UNC80: variants seen among roughly 807,000 people sequenced by gnomAD.
UNC80 encodes unc-80 subunit of NALCN channel complex.
A neutral mutation model predicts 384.6 loss-of-function variants in UNC80; 164 were observed. The observed-to-expected ratio is 0.43, with a 90% CI of 0.38 to 0.49. The LOEUF (loss-of-function observed/expected upper bound fraction) is 0.49. Ranked by LOEUF, UNC80 falls within the 20% of genes least tolerant of loss-of-function variation. The pLI, the probability that UNC80 is intolerant of heterozygous loss-of-function variation, is 0.00. For synonymous variants in UNC80, 1,486 were observed against 1,527.8 expected (o/e 0.97, Z 0.64); for missense variants, 3,330 against 4,143.0 (o/e 0.80, Z 5.39).
intron 36 of UNC80, among the ~76,000 whole-genome samples, chr2:209,928,133 C>T (rs1441198202): frequency 2.0e-5 from 3 of 151,996 alleles, no homozygotes; most frequent in Admixed American, 6.6e-5. Flanking sequence ...ATCAGGAGTT[C>T]GAGACCAGCC....
At chr2:209,900,392 C>CA (rs1186362350) in intron 28 of UNC80, among the ~76,000 whole-genome samples, 1 of 152,084 alleles carries the variant, frequency 6.6e-6, no homozygotes, top group East Asian at 1.9e-4. Context: ...GATCTGTGAT[C>CA]AGTGATCCTT....
chr2:209,911,350 A>G (rs1188054829), intron 29 of UNC80, among the ~76,000 whole-genome samples: 2 of 152,202 alleles, frequency 1.3e-5, no homozygotes, highest in Non-Finnish European at 2.9e-5. Context: ...CACAGGGGAA[A>G]AAAGCAAAGC....
Position 209,977,048 on chromosome 2 carries a change from A to G in UNC80, c.8908A>G (p.Ile2970Val). The G allele has an allele frequency of 6.6e-7, 1 of 1,521,542 alleles. No homozygotes were observed. Among genetic ancestry groups the G allele is most frequent in the Non-Finnish European group, 8.9e-7 (1 of 1,122,102 alleles). The allele number at this position is 1,521,542 out of a possible 1,614,324, so 94.3% of individuals were successfully genotyped here. A position where few individuals can be genotyped will look rare whatever the true frequency, so the allele number is the denominator to read the frequency against. The part of the protein sequence containing the change: ...LIAEFNSELK[I>V]LKEAVHSGSA... ...TGCTGAGTTCAACAGTGAACTAAAA[A>G]TTCTAAAAGAGGCAGTTCATAGTGG... Residue 2970 changes from isoleucine to valine, a missense_variant, in exon 58 of 65, where the codon ATT becomes GTT. Ile to Val is a conservative substitution (Grantham distance 29, BLOSUM62 3). Around this residue, in one of 8 missense-constraint regions of UNC80, gnomAD observed 216 missense variants for 245.3 expected, o/e 0.88. Transcript: ENST00000673920.
Position 209,888,716 on chromosome 2 carries a change from A to G in UNC80, c.4276+456A>G, listed in dbSNP as rs1376185558. Among the ~76,000 whole-genome samples the G allele has an allele frequency of 3.3e-5, 5 of 152,110 alleles. No homozygotes were observed. The East Asian group carries it at 9.7e-4, about 29-fold the overall frequency. ...CTGCAACTTCCGCCTCCCAGGTTCCAGTGATTCTCCTGCCTCAGCCTCCCT... is the reference window on the plus strand; with the variant it reads ...CTGCAACTTCCGCCTCCCAGGTTCCGGTGATTCTCCTGCCTCAGCCTCCCT... On this transcript the variant is annotated intron_variant, in intron 26 of 64. Coordinates refer to ENST00000673920, the MANE Select transcript of UNC80 (RefSeq NM_001371986.1).
chr2:209,789,593 A>C lies in UNC80; in HGVS notation c.786A>C (p.Ala262=). 1.2e-6 allele frequency: 2 copies of C among 1,612,216 alleles called. No individual in the cohort carries two copies. The highest frequency in any genetic ancestry group is 8.5e-7 in the Non-Finnish European group (1 of 1,178,454). ...CCTGTGAATCACCAAATCAAGATGC[A>C]AGACACTTAGAGGTTAGTTTATTAT... ...SRTCESPNQD[A]RHLEGLQVVC... is the part of the protein sequence containing the mutation. Residue 262 remains alanine (A), a synonymous_variant, in exon 6 of 65, where the codon GCA becomes GCC. Transcript: ENST00000673920.
intron 4 of UNC80, among the ~76,000 whole-genome samples, chr2:209,782,312 A>G (rs973213876): frequency 1.3e-5 from 2 of 152,136 alleles, no homozygotes; most frequent in Non-Finnish European, 2.9e-5. Context: ...CAGATGTTTG[A>G]AGTCTCTCCA....
intron 31 of UNC80, among the ~76,000 whole-genome samples, chr2:209,914,756 A>G (rs566791692): frequency 6.6e-6 from 1 of 152,044 alleles, no homozygotes; most frequent in African/African-American, 2.4e-5. Context: ...TGCAAATGGG[A>G]CATGCTGTAA....
At position 209,959,556 on chromosome 2, in the gene UNC80, C is replaced by T. The variant is rs1402034536; in HGVS notation, c.7654C>T (p.Arg2552Trp). The T allele has an allele frequency of 1.3e-5, 20 of 1,551,540 alleles. No individual in the cohort carries two copies. Among genetic ancestry groups the T allele is most frequent in the African/African-American group, 4.1e-5 (3 of 73,044 alleles). The change falls in exon 51 of 65, where the codon CGG becomes TGG. Residue 2552 changes from arginine to tryptophan, a missense_variant. Physicochemically the swap from Arg to Trp is moderately radical, Grantham distance 101. Transcript: ENST00000673920. ...AGAGGAACTGGATGAACGAATTGCT[C>T]GGGAAGAGTTCAGAAGACCCCGGGA... is the stretch of plus-strand genomic sequence containing the variant. Reference protein sequence around the residue: ...PREELDERIAREEFRRPRESL... With the variant: ...PREELDERIAWEEFRRPRESL...
At chr2:209,775,564 A>G (rs566814671) in intron 2 of UNC80, among the ~76,000 whole-genome samples, 12 of 152,172 alleles carry the variant, frequency 7.9e-5, no homozygotes, top group Non-Finnish European at 1.6e-4. Context: ...CAAAAATCTC[A>G]TGAGGTTAAA....
chr2:209,989,531 C>A (rs1190991328), intron 61 of UNC80, among the ~76,000 whole-genome samples: 2 of 152,020 alleles, frequency 1.3e-5, no homozygotes, highest in African/African-American at 4.8e-5. Flanking sequence ...ATTTGACTAT[C>A]AAATATAACA....
At chr2:209,778,602 T>G (rs1180883718) in intron 4 of UNC80, among the ~76,000 whole-genome samples, 1 of 152,198 alleles carries the variant, frequency 6.6e-6, no homozygotes, top group Non-Finnish European at 1.5e-5. Context: ...CCATCACTTT[T>G]TAGCTGTGTG....
chr2:209,957,511 G>A, intron 48 of UNC80, 133 bp from the exon 49 acceptor site: 1 of 714,094 alleles, frequency 1.4e-6, no homozygotes, highest in Non-Finnish European at 2.3e-6. Flanking sequence ...CCCAAAGCTA[G>A]ACAGCCTGTC....
intron 28 of UNC80, among the ~76,000 whole-genome samples, chr2:209,902,282 G>C (rs2087502106): frequency 6.6e-6 from 1 of 152,156 alleles, no homozygotes; most frequent in South Asian, 2.1e-4. Flanking sequence ...GGGTGAGGAA[G>C]TACCTCTATG....
At chr2:209,923,837 T>G in intron 35 of UNC80, among the ~76,000 whole-genome samples, 1 of 152,278 alleles carries the variant, frequency 6.6e-6, no homozygotes, top group East Asian at 1.9e-4. Flanking sequence ...AACATAACAG[T>G]TGATTCATAT....
intron 61 of UNC80, among the ~76,000 whole-genome samples, chr2:209,991,107 A>C (rs1312634940): frequency 6.6e-6 from 1 of 152,230 alleles, no homozygotes; most frequent in African/African-American, 2.4e-5. Flanking sequence ...TTATTTAAAA[A>C]ATGGAAATGA....
chr2:209,804,744 T>C (rs2078779566), intron 7 of UNC80, among the ~76,000 whole-genome samples: 1 of 148,024 alleles, frequency 6.8e-6, no homozygotes, highest in Non-Finnish European at 1.5e-5. Flanking sequence ...CAACATTTAA[T>C]TTAGAGAGTT....
chr2:209,772,203 C>G, intron 1 of UNC80, 39 bp downstream of exon 1: 5 of 1,390,074 alleles, frequency 3.6e-6, no homozygotes, highest in Non-Finnish European at 4.8e-6. Context: ...CCGCCCTGGG[C>G]TGGGGGCGCT....
intron 9 of UNC80, 22 bp downstream of exon 9, chr2:209,815,413 C>T: frequency 1.9e-6 from 3 of 1,542,288 alleles, no homozygotes; most frequent in Non-Finnish European, 2.6e-6. Context: ...TGCTTATGCT[C>T]TTTGATATTT....
chr2:209,994,392 C>A, intron 64 of UNC80, 128 bp downstream of exon 64: 2 of 760,760 alleles, frequency 2.6e-6, no homozygotes, highest in Non-Finnish European at 4.0e-6. Context: ...CAAACAGATA[C>A]TGCTCCTGCC....
Sources: allele counts gnomAD v4.1 joint callset (sites outside exome capture counted in the v4.1 genomes callset), GRCh38; gene constraint gnomAD v4.1.1; regional missense constraint gnomAD v4.1.1; transcripts MANE v1.5; gene names NCBI Gene and HGNC (gene_info 2026-07-23, HGNC 2026-07-21).